The following GRIN2B variants were observed in gnomAD, a reference collection of about 807,000 sequenced individuals.
GRIN2B encodes the protein glutamate receptor ionotropic, NMDA 2B.
GRIN2B carries 5 observed loss-of-function variants against 114.5 expected under a neutral mutation model. That is an observed-to-expected ratio of 0.04 (90% CI 0.02 to 0.09). The LOEUF (loss-of-function observed/expected upper bound fraction) is 0.09, where lower values mean the gene tolerates loss of function less well. Among genes scored for constraint, GRIN2B ranks in the 10% least tolerant of loss-of-function variants. GRIN2B has a pLI of 1.00. For synonymous variants in GRIN2B, 787 were observed against 745.1 expected, an observed-to-expected ratio of 1.06 and a Z score of -0.92; for missense variants, 1,108 against 1,943.5, an observed-to-expected ratio of 0.57 and a Z score of 8.08.
intron 4 of GRIN2B, among the ~76,000 whole-genome samples, chr12:13,732,259 G>A (rs574693825): frequency 2.0e-5 from 3 of 151,676 alleles, no homozygotes; most frequent in Non-Finnish European, 4.4e-5. Flanking sequence ...CCTTTCTGAT[G>A]ATAGCTTGTT....
chr12:13,794,757 C>T (rs1055344665), intron 3 of GRIN2B, among the ~76,000 whole-genome samples: 1 of 152,208 alleles, frequency 6.6e-6, no homozygotes, highest in Non-Finnish European at 1.5e-5. Flanking sequence ...CTCGCCAAGC[C>T]TCAGAATGCA....
intron 3 of GRIN2B, among the ~76,000 whole-genome samples, chr12:13,762,166 G>C (rs1863691811): frequency 6.6e-6 from 1 of 152,064 alleles, no homozygotes; most frequent in Non-Finnish European, 1.5e-5. Flanking sequence ...ACCACGACCG[G>C]CTAATTTTTT....
intron 5 of GRIN2B, among the ~76,000 whole-genome samples, chr12:13,642,163 G>A (rs973848495): frequency 6.6e-6 from 1 of 151,554 alleles, no homozygotes; most frequent in South Asian, 2.1e-4. Context: ...ACTCCAGCCT[G>A]GGAGACAAGA....
At chr12:13,807,003 A>G (rs1273231978) in intron 3 of GRIN2B, among the ~76,000 whole-genome samples, 1 of 152,146 alleles carries the variant, frequency 6.6e-6, no homozygotes, top group Non-Finnish European at 1.5e-5. Context: ...CCATCTCAAA[A>G]AAAAAAAATT....
At chr12:13,718,197 G>A (rs1408877503) in intron 4 of GRIN2B, among the ~76,000 whole-genome samples, 1 of 151,990 alleles carries the variant, frequency 6.6e-6, no homozygotes, top group Admixed American at 6.6e-5. Context: ...GGCTGCTGCA[G>A]CTCCCATGTA....
At chr12:13,776,982 A>G (rs1008930015) in intron 3 of GRIN2B, among the ~76,000 whole-genome samples, 1 of 152,170 alleles carries the variant, frequency 6.6e-6, no homozygotes, top group African/African-American at 2.4e-5. Context: ...GATTAATAAT[A>G]CAGCGGGGCA....
chr12:13,696,022 C>T (rs1389787643), intron 4 of GRIN2B, among the ~76,000 whole-genome samples: 2 of 152,166 alleles, frequency 1.3e-5, no homozygotes, highest in African/African-American at 4.8e-5. Context: ...CAAGGTATGA[C>T]ACCTTGTATT....
intron 3 of GRIN2B, among the ~76,000 whole-genome samples, chr12:13,788,554 G>A (rs186530684): frequency 7.3e-4 from 110 of 151,164 alleles, no homozygotes; most frequent in African/African-American, 2.6e-3. Context: ...AGGTTACCAA[G>A]GGAAGGAAAA....
At chr12:13,752,035 G>C (rs934192409) in intron 4 of GRIN2B, among the ~76,000 whole-genome samples, 2 of 152,162 alleles carry the variant, frequency 1.3e-5, no homozygotes, top group Non-Finnish European at 2.9e-5. Context: ...AGAATATCAA[G>C]ATTGGATCAC....
In GRIN2B at chr12:13,563,725, C is replaced by T. The variant is rs951406434; in HGVS notation, c.3513G>A (p.Gly1171=). The change falls in exon 14 of 14, where the codon GGG becomes GGA. Residue 1171 remains glycine, a synonymous_variant. Transcript: ENST00000609686. ...DFKRDSVSGG[G]PCTNRSHIKH... ...TGATGTGAGACCTGTTGGTACAGGG[C>T]CCTCCTCCGCTGACGGAGTCGCGCT... is the stretch of plus-strand genomic sequence containing the variant. 6.2e-7 allele frequency: 1 copy of T among 1,613,680 alleles called. No individual in the cohort carries two copies. The highest frequency in any genetic ancestry group is 2.2e-5 in the East Asian group (1 of 44,864).
intron 5 of GRIN2B, among the ~76,000 whole-genome samples, chr12:13,649,599 TA>T (rs1949796281): frequency 2.6e-5 from 4 of 152,116 alleles, no homozygotes; most frequent in Admixed American, 2.6e-4. Flanking sequence ...GTTAACTTGA[TA>T]GAAACCAGTT....
At chr12:13,939,496 G>A (rs975132051) in intron 2 of GRIN2B, among the ~76,000 whole-genome samples, 69 of 147,710 alleles carry the variant, frequency 4.7e-4, no homozygotes, top group African/African-American at 1.7e-3. Flanking sequence ...TACTATGATT[G>A]AAGGTTTCAT....
At chr12:13,766,330 C>T (rs1353795762) in intron 3 of GRIN2B, among the ~76,000 whole-genome samples, 1 of 152,208 alleles carries the variant, frequency 6.6e-6, no homozygotes, top group Non-Finnish European at 1.5e-5. Context: ...AGAGAGGGCA[C>T]TATGTCTGGA....
chr12:13,621,389 T>C lies in GRIN2B; in HGVS notation c.1126-4732A>G, dbSNP rs929912334. On this transcript the variant is annotated intron_variant, in intron 5 of 13. Transcript: ENST00000609686. ...TGAATGAAGAATTTATGCTTGAGAT[T>C]AAAATATGATCAGGAAAATAAAAAA... Among the ~76,000 whole-genome samples the C allele has an allele frequency of 1.3e-3, 198 of 152,156 alleles. 1 individual carries two copies. Among genetic ancestry groups the C allele is most frequent in the Non-Finnish European group, 8.7e-4 (59 of 68,000 alleles).
At chr12:13,594,366 C>T (rs1244725637) in intron 10 of GRIN2B, among the ~76,000 whole-genome samples, 1 of 152,114 alleles carries the variant, frequency 6.6e-6, no homozygotes, top group African/African-American at 2.4e-5. Context: ...CAGTTCATGT[C>T]CTTTGCAGGG....
chr12:13,840,431 A>G (rs2136714091), intron 3 of GRIN2B, among the ~76,000 whole-genome samples: 1 of 152,266 alleles, frequency 6.6e-6, no homozygotes, highest in South Asian at 2.1e-4. Flanking sequence ...GTAGACAAAG[A>G]TACCTGATTT....
intron 4 of GRIN2B, among the ~76,000 whole-genome samples, chr12:13,706,273 T>C (rs1048000163): frequency 1.3e-5 from 2 of 152,026 alleles, no homozygotes; most frequent in African/African-American, 4.8e-5. Context: ...ACAGCAGGGA[T>C]TAGTGGGAGA....
intron 2 of GRIN2B, among the ~76,000 whole-genome samples, chr12:13,927,452 T>C (rs1257183841): frequency 1.3e-5 from 2 of 152,176 alleles, no homozygotes; most frequent in African/African-American, 2.4e-5. Context: ...TATTCGACTT[T>C]GCCCTTGTAG....
intron 4 of GRIN2B, among the ~76,000 whole-genome samples, chr12:13,688,692 G>A (rs1247730944): frequency 1.3e-5 from 2 of 152,198 alleles, no homozygotes; most frequent in Non-Finnish European, 2.9e-5. Context: ...GACAATAAGA[G>A]CTAGAATATT....
Sources: allele counts gnomAD v4.1 joint callset (sites outside exome capture counted in the v4.1 genomes callset), GRCh38; gene constraint gnomAD v4.1.1; transcripts MANE v1.5; gene names NCBI Gene and HGNC (gene_info 2026-07-23, HGNC 2026-07-21).